The following STK32B variants were observed in gnomAD, a reference collection of about 807,000 sequenced individuals.
The protein encoded by STK32B is serine/threonine-protein kinase 32B.
In STK32B, 43 loss-of-function variants were observed where a neutral mutation model predicts 52.6. The ratio of observed to expected loss-of-function variants is 0.82; its 90% CI spans 0.64 to 1.05. STK32B has a LOEUF of 1.05. Ranked by LOEUF, STK32B falls within the 50% of genes least tolerant of loss-of-function variation. STK32B has a pLI of 0.00. For synonymous variants in STK32B, 238 were observed against 204.3 expected (o/e 1.17, Z -1.41); for missense variants, 621 against 534.6 (o/e 1.16, Z -1.59).
At chr4:5,123,040 C>A (rs1217289985) in intron 1 of STK32B, among the ~76,000 whole-genome samples, 2 of 151,996 alleles carry the variant, frequency 1.3e-5, no homozygotes, top group Non-Finnish European at 2.9e-5. Context: ...CTGCTGGGTC[C>A]CCTTCTTTAT....
chr4:5,345,307 C>T (rs1387727840), intron 4 of STK32B: 1 of 126,088 alleles, frequency 7.9e-6, no homozygotes, highest in African/African-American at 3.0e-5. Context: ...AGTTATAATT[C>T]TCCTTTTTTT....
At chr4:5,449,856 C>G (rs543158911) in intron 7 of STK32B, among the ~76,000 whole-genome samples, 34 of 152,182 alleles carry the variant, frequency 2.2e-4, no homozygotes, top group African/African-American at 3.9e-4. Context: ...CCATCACCCC[C>G]AGATGCGACT....
the STK32B span, among the ~76,000 whole-genome samples, chr4:5,035,234 T>C: frequency 6.6e-6 from 1 of 152,356 alleles, no homozygotes. Context: ...GCCTGTTTCA[T>C]AGTCTGCATG....
At chr4:5,473,842 C>T (rs549227773) in intron 11 of STK32B, among the ~76,000 whole-genome samples, 16 of 152,260 alleles carry the variant, frequency 1.1e-4, no homozygotes, top group South Asian at 1.0e-3. Flanking sequence ...AGACCGGACA[C>T]GGTGGTTCAC....
At chr4:5,136,500 G>T (rs368752889) in intron 1 of STK32B, among the ~76,000 whole-genome samples, 2 of 152,302 alleles carry the variant, frequency 1.3e-5, no homozygotes, top group African/African-American at 4.8e-5. Flanking sequence ...ATGGGTTCCT[G>T]TTCAGAAACC....
intron 2 of STK32B, among the ~76,000 whole-genome samples, chr4:5,158,478 GTTGT>G (rs1718042229): frequency 6.6e-6 from 1 of 152,062 alleles, no homozygotes; most frequent in South Asian, 2.1e-4. Context: ...AATTCTCCAC[GTTGT>G]TTGTTTATTC....
chr4:5,444,343 G>A (rs940863710), intron 6 of STK32B, among the ~76,000 whole-genome samples: 4 of 152,224 alleles, frequency 2.6e-5, no homozygotes, highest in Non-Finnish European at 5.9e-5. Flanking sequence ...CGCAGTATTT[G>A]GGTGGGAGTG....
chr4:5,221,189 A>G (rs557751905), intron 3 of STK32B, among the ~76,000 whole-genome samples: 3 of 152,150 alleles, frequency 2.0e-5, no homozygotes, highest in Non-Finnish European at 4.4e-5. Flanking sequence ...TATAGATCCA[A>G]TTCTTTTAAT....
At chr4:5,166,461 TA>T (rs764704302) in intron 2 of STK32B, among the ~76,000 whole-genome samples, 6 of 147,030 alleles carry the variant, frequency 4.1e-5, no homozygotes, top group East Asian at 4.0e-4. Flanking sequence ...TAAGTGTAAT[TA>T]GTTAAGATGA....
intron 4 of STK32B, among the ~76,000 whole-genome samples, chr4:5,390,829 G>A (rs892017481): frequency 6.6e-6 from 1 of 152,044 alleles, no homozygotes; most frequent in African/African-American, 2.4e-5. Context: ...TGAGAGAGAA[G>A]TCCCCTGCCT....
At position 5,476,171 on chromosome 4, in the gene STK32B, A is replaced by G. The variant is rs528492840; in HGVS notation, c.1106+8101A>G. Among the ~76,000 whole-genome samples the G allele has an allele frequency of 3.3e-5, 5 of 152,154 alleles. No homozygotes were observed. In the South Asian group the frequency reaches 1.0e-3, roughly 32 times the overall value. On this transcript the variant is annotated intron_variant, in intron 11 of 11. Transcript: ENST00000282908. ...CACCTCGGCCTCCCAAAGTGCTGGG[A>G]TTACAGGTGTGAGCCACTGCACCCG...
chr4:5,475,955 C>T (rs1344424779), intron 11 of STK32B, among the ~76,000 whole-genome samples: 4 of 151,776 alleles, frequency 2.6e-5, no homozygotes, highest in Admixed American at 2.0e-4. Context: ...AGTGCAATGC[C>T]GCAATCTTGG....
chr4:5,198,636 C>A (rs1721887314), intron 3 of STK32B, among the ~76,000 whole-genome samples: 1 of 152,158 alleles, frequency 6.6e-6, no homozygotes, highest in African/African-American at 2.4e-5. Flanking sequence ...CCACGGCCCA[C>A]ATGGAATCCT....
chr4:5,159,886 T>C (rs1718301093), intron 2 of STK32B, among the ~76,000 whole-genome samples: 1 of 151,608 alleles, frequency 6.6e-6, no homozygotes, highest in South Asian at 2.1e-4. Context: ...GGATGAACAG[T>C]CAGGCTGGAG....
intron 3 of STK32B, among the ~76,000 whole-genome samples, chr4:5,202,135 G>A (rs1053711267): frequency 5.3e-5 from 8 of 152,220 alleles, no homozygotes; most frequent in Non-Finnish European, 8.8e-5. Flanking sequence ...TGAGGGTACA[G>A]GCATTAGGTA....
intron 1 of STK32B, among the ~76,000 whole-genome samples, chr4:5,121,182 GT>G (rs1170882562): frequency 2.0e-5 from 3 of 152,030 alleles, no homozygotes; most frequent in African/African-American, 7.2e-5. Flanking sequence ...ATGATATTTG[GT>G]TTTCCATTCT....
In STK32B at chr4:5,123,709, C is replaced by T. The variant is rs926137455; in HGVS notation, c.53-16196C>T. Among the ~76,000 whole-genome samples the T allele has an allele frequency of 2.8e-4, 42 of 152,224 alleles. 1 individual carries two copies. Among genetic ancestry groups the T allele is most frequent in the African/African-American group, 8.9e-4 (37 of 41,544 alleles). ...CCAGTCATATTGGATTAGGGCCCCACCTTTTTGACCCATTTAACCTTAATT... is the reference window on the plus strand; with the variant it reads ...CCAGTCATATTGGATTAGGGCCCCATCTTTTTGACCCATTTAACCTTAATT... On this transcript the variant is annotated intron_variant, in intron 1 of 11. Coordinates refer to ENST00000282908, the MANE Select transcript of STK32B (RefSeq NM_018401.3).
intron 2 of STK32B, among the ~76,000 whole-genome samples, chr4:5,156,769 A>G (rs1399174428): frequency 6.6e-6 from 1 of 152,214 alleles, no homozygotes; most frequent in African/African-American, 2.4e-5. Flanking sequence ...ATGGCAGAAA[A>G]TGGCACAGTG....
At chr4:5,353,341 G>A (rs1733963005) in intron 4 of STK32B, among the ~76,000 whole-genome samples, 4 of 147,394 alleles carry the variant, frequency 2.7e-5, no homozygotes, top group African/African-American at 1.1e-4. Flanking sequence ...ATTGCTCTAG[G>A]CAAAGATTTG....
Sources: gnomAD v4.1 joint callset for allele counts (sites outside exome capture counted in the v4.1 genomes callset) on GRCh38, gnomAD v4.1.1 for gene constraint, MANE v1.5 for transcripts, NCBI Gene and HGNC (gene_info 2026-07-23, HGNC 2026-07-21) for gene names.